ZNRF2: variants seen among roughly 807,000 people sequenced by gnomAD.
ZNRF2 encodes zinc and ring finger 2.
ZNRF2 carries 16 observed loss-of-function variants against 20.4 expected under a neutral mutation model. The observed-to-expected ratio is 0.79, with a 90% CI of 0.53 to 1.19. ZNRF2 has a LOEUF of 1.19. ZNRF2 is among the 50% of genes most tolerant of loss of function. ZNRF2 has a pLI of 0.00. For missense variants in ZNRF2, 363 were observed against 332.4 expected (o/e 1.09, Z -0.72); for synonymous variants, 178 against 144.9 (o/e 1.23, Z -1.64).
At position 30,285,761 on chromosome 7, in the gene ZNRF2, GC is replaced by G; in HGVS notation, c.408del (p.Gly137AlafsTer6). The G allele has an allele frequency of 1.3e-6, 2 of 1,483,990 alleles. No individual in the cohort carries two copies. The highest frequency in any genetic ancestry group is 2.8e-5 in the East Asian group (1 of 35,356). 91.9% of individuals were successfully genotyped at this position (1,483,990 alleles called of 1,614,324 possible). On this transcript the variant is annotated frameshift_variant, in exon 1 of 5. Coordinates refer to ENST00000323037, the MANE Select transcript of ZNRF2 (RefSeq NM_147128.4). LOFTEE classifies it high-confidence loss of function. ...GGGRDRPVGG[S>X]PGGPRLVIGS... is the part of the protein sequence containing the mutation. ...GGCCGGGACCGGCCGGTGGGCGGGAGCCCCGGCGGGCCGCGCCTGGTGATCG... is the reference window on the plus strand; with the variant it reads ...GGCCGGGACCGGCCGGTGGGCGGGAGCCCGGCGGGCCGCGCCTGGTGATCG...
rs1252739979 is a variant in ZNRF2 at position 30,358,323 on chromosome 7, A to AT, written c.671+2490_671+2491insT. 1.1e-4 allele frequency among the ~76,000 whole-genome samples: 17 copies of AT among 152,318 alleles called. No homozygotes were observed. In the East Asian group the frequency reaches 3.1e-3, roughly 28 times the overall value. On this transcript the variant is annotated intron_variant, in intron 3 of 4. Transcript: ENST00000323037. ...TAACATTAATGTCAACAGAGACTAA[A>AT]AGGACTATAAGGCTTATAAGGATTA...
In ZNRF2 at chr7:30,285,294, G is replaced by A; in HGVS notation, c.-64G>A. The A allele has an allele frequency of 1.2e-5, 12 of 1,042,432 alleles. No individual in the cohort carries two copies. Among genetic ancestry groups the A allele is most frequent in the African/African-American group, 1.7e-5 (1 of 57,926 alleles). The allele number at this position is 1,042,432 out of a possible 1,614,324, so 64.6% of individuals were successfully genotyped here. On this transcript the variant is annotated 5_prime_UTR_variant, in exon 1 of 5. Coordinates refer to ENST00000323037, the MANE Select transcript of ZNRF2 (RefSeq NM_147128.4). ...CTGGGCCCTGCCCTCTAGCTCCCGC[G>A]CTCGCTCCCGCCCTCCCGGCTCTCG...
At chr7:30,306,807 C>T (rs1303175839) in intron 1 of ZNRF2, among the ~76,000 whole-genome samples, 1 of 152,094 alleles carries the variant, frequency 6.6e-6, no homozygotes, top group Non-Finnish European at 1.5e-5. Flanking sequence ...TTAAGTAGCT[C>T]AGTGTCCAAA....
chr7:30,334,663 A>G (rs1562616134), intron 2 of ZNRF2, among the ~76,000 whole-genome samples: 1 of 152,232 alleles, frequency 6.6e-6, no homozygotes, highest in Admixed American at 6.5e-5. Flanking sequence ...ATTCCAAGTT[A>G]GAAGTCTATA....
intron 3 of ZNRF2, among the ~76,000 whole-genome samples, chr7:30,358,827 A>G (rs1218429062): frequency 6.6e-6 from 1 of 152,160 alleles, no homozygotes; most frequent in East Asian, 1.9e-4. Context: ...CAGCTCCTCC[A>G]CTGATTCTCT....
intron 2 of ZNRF2, among the ~76,000 whole-genome samples, chr7:30,330,804 G>A (rs575558466): frequency 7.2e-5 from 11 of 151,948 alleles, no homozygotes; most frequent in African/African-American, 2.7e-4. Context: ...CTACTAAGCA[G>A]AATTTTAAAT....
intron 2 of ZNRF2, among the ~76,000 whole-genome samples, chr7:30,330,210 G>A (rs183034478): frequency 1.8e-3 from 273 of 152,248 alleles, no homozygotes; most frequent in African/African-American, 6.2e-3. Flanking sequence ...TTGTGCATGT[G>A]TACTTAGAAG....
intron 3 of ZNRF2, among the ~76,000 whole-genome samples, chr7:30,356,247 T>G (rs1800036229): frequency 6.6e-6 from 1 of 151,896 alleles, no homozygotes; most frequent in South Asian, 2.1e-4. Context: ...TCATATGGTC[T>G]TCTTGCTTTT....
chr7:30,285,203 C>T lies in ZNRF2; in HGVS notation c.-155C>T. 1 of 509,346 alleles carries T rather than the reference C, an allele frequency of 2.0e-6. No homozygotes were observed. Among genetic ancestry groups the T allele is most frequent in the Non-Finnish European group, 3.0e-6 (1 of 331,812 alleles). 31.6% of individuals were successfully genotyped at this position (509,346 alleles called of 1,614,324 possible). On this transcript the variant is annotated 5_prime_UTR_variant, in exon 1 of 5. Coordinates refer to ENST00000323037, the MANE Select transcript of ZNRF2 (RefSeq NM_147128.4). ...CCAAGAAGAGCGCGCCGGGCGCCGA[C>T]TGCCCCTCTGGACGCCGGGCGGCGG...
intron 1 of ZNRF2, among the ~76,000 whole-genome samples, chr7:30,313,908 A>G (rs932987950): frequency 2.0e-5 from 3 of 152,194 alleles, no homozygotes; most frequent in African/African-American, 7.2e-5. Context: ...TAGGTAAACC[A>G]CTGATCCCTA....
chr7:30,295,353 A>G (rs1799001765), intron 1 of ZNRF2, among the ~76,000 whole-genome samples: 1 of 152,130 alleles, frequency 6.6e-6, no homozygotes, highest in East Asian at 1.9e-4. Context: ...TAAGTCTTCA[A>G]GTCATGTTTC....
intron 2 of ZNRF2, among the ~76,000 whole-genome samples, chr7:30,346,992 T>G (rs1799889124): frequency 6.6e-6 from 1 of 152,122 alleles, no homozygotes; most frequent in Admixed American, 6.6e-5. Flanking sequence ...AATTGAAAAA[T>G]TACGGGTTTT....
Position 30,360,560 on chromosome 7 carries a change from G to A in ZNRF2, c.672-1817G>A, listed in dbSNP as rs537171170. ...AAAAAATTAGCTGGGTTTGTGGCAG[G>A]TGGCGCCTGTAATCCCAGCTACCCA... On this transcript the variant is annotated intron_variant, in intron 3 of 4. Transcript: ENST00000323037. Among the ~76,000 whole-genome samples, 3 of 152,042 alleles carry A rather than the reference G, an allele frequency of 2.0e-5. No individual in the cohort carries two copies. The South Asian group carries it at 6.2e-4, about 32-fold the overall frequency.
At chr7:30,322,144 T>C (rs1360499949) in intron 1 of ZNRF2, among the ~76,000 whole-genome samples, 1 of 152,194 alleles carries the variant, frequency 6.6e-6, no homozygotes, top group Non-Finnish European at 1.5e-5. Context: ...TCTTTCTCTT[T>C]TTGGTGGTTT....
At chr7:30,359,558 T>C (rs1800095071) in intron 3 of ZNRF2, among the ~76,000 whole-genome samples, 1 of 152,210 alleles carries the variant, frequency 6.6e-6, no homozygotes, top group Admixed American at 6.5e-5. Flanking sequence ...GATGAAAGTA[T>C]ATGCTAACAA....
At chr7:30,306,058 GTAA>G (rs1281692297) in intron 1 of ZNRF2, among the ~76,000 whole-genome samples, 7 of 152,070 alleles carry the variant, frequency 4.6e-5, no homozygotes, top group Admixed American at 2.0e-4. Context: ...CAATATTAAA[GTAA>G]TAATAATAAT....
chr7:30,295,062 T>A (rs1308156917), intron 1 of ZNRF2, among the ~76,000 whole-genome samples: 1,196 of 111,104 alleles, frequency 0.011, 9 homozygotes, highest in African/African-American at 0.023. Context: ...TGTGTGTGTG[T>A]GTGTGTGTGT....
chr7:30,297,505 A>T (rs915835416), intron 1 of ZNRF2, among the ~76,000 whole-genome samples: 3 of 152,084 alleles, frequency 2.0e-5, no homozygotes, highest in Non-Finnish European at 2.9e-5. Context: ...ATTTTTGATT[A>T]GTACTTTGAC....
In ZNRF2 at chr7:30,285,364, G is replaced by A. The variant is rs1347821428; in HGVS notation, c.7G>A (p.Ala3Thr). 8.3e-7 allele frequency: 1 copy of A among 1,202,686 alleles called. No homozygotes were observed. The highest frequency in any genetic ancestry group is 3.7e-5 in the Admixed American group (1 of 26,858). The allele number at this position is 1,202,686 out of a possible 1,614,324, so 74.5% of individuals were successfully genotyped here. A position where few individuals can be genotyped will look rare whatever the true frequency, so the allele number is the denominator to read the frequency against. ...GGCCCGGGGCAGGGCGGACATGGGC[G>A]CCAAACAGAGCGGCCCGGCCGCCGC... The part of the protein sequence containing the change: MG[A>T]KQSGPAAANG... The change falls in exon 1 of 5, where the codon GCC (alanine) becomes ACC (threonine). Residue 3 changes from alanine to threonine, a missense_variant. Physicochemically the swap from Ala to Thr is moderately conservative, Grantham distance 58. This residue lies in a region of ZNRF2 where 302 missense variants were observed against 231.5 expected (regional missense o/e 1.30). Transcript: ENST00000323037.
Sources: allele counts gnomAD v4.1 joint callset (sites outside exome capture counted in the v4.1 genomes callset), GRCh38; gene constraint gnomAD v4.1.1; regional missense constraint gnomAD v4.1.1; transcripts MANE v1.5; gene names NCBI Gene and HGNC (gene_info 2026-07-23, HGNC 2026-07-21).